CNNM2: variants seen among roughly 807,000 people sequenced by gnomAD.
CNNM2 encodes the protein metal transporter CNNM2.
In CNNM2, 12 loss-of-function variants were observed where a neutral mutation model predicts 66.9. The ratio of observed to expected loss-of-function variants is 0.18; its 90% CI spans 0.11 to 0.29. The LOEUF (loss-of-function observed/expected upper bound fraction) is 0.29, where lower values mean the gene tolerates loss of function less well. CNNM2 is among the 10% of genes least tolerant of loss of function. CNNM2 has a pLI of 1.00. For synonymous variants in CNNM2, 557 were observed against 501.8 expected (o/e 1.11, Z -1.47); for missense variants, 705 against 1,167.7 (o/e 0.60, Z 5.77).
intron 2 of CNNM2, among the ~76,000 whole-genome samples, chr10:103,051,919 G>A (rs933732193): frequency 6.6e-6 from 1 of 152,122 alleles, no homozygotes; most frequent in African/African-American, 2.4e-5. Flanking sequence ...GGTCGTCAGA[G>A]GTCTCAGAGA....
intron 1 of CNNM2, among the ~76,000 whole-genome samples, chr10:102,987,405 C>A (rs1387968238): frequency 6.6e-6 from 1 of 152,102 alleles, no homozygotes; most frequent in African/African-American, 2.4e-5. Context: ...ACTGCAAGCT[C>A]CGCCTCCCAG....
intron 1 of CNNM2, among the ~76,000 whole-genome samples, chr10:103,031,008 G>A (rs2064810375): frequency 6.6e-6 from 1 of 152,180 alleles, no homozygotes; most frequent in South Asian, 2.1e-4. Flanking sequence ...CTGAGGTTTA[G>A]ATGAGACTGG....
chr10:103,059,658 G>C (rs927280164), intron 4 of CNNM2, among the ~76,000 whole-genome samples: 3 of 152,038 alleles, frequency 2.0e-5, no homozygotes, highest in Non-Finnish European at 4.4e-5. Flanking sequence ...GGCTCTACAT[G>C]CTTTAAATAA....
chr10:103,039,899 C>T (rs1397869306), intron 1 of CNNM2, among the ~76,000 whole-genome samples: 1 of 152,104 alleles, frequency 6.6e-6, no homozygotes, highest in Admixed American at 6.6e-5. Context: ...ATGGCAGTGG[C>T]TCATGCCTGT....
At chr10:103,075,902 G>A (rs939840087) in intron 6 of CNNM2, among the ~76,000 whole-genome samples, 184 bp from the exon 7 acceptor site, 9 of 152,234 alleles carry the variant, frequency 5.9e-5, no homozygotes, top group Admixed American at 1.3e-4. Flanking sequence ...ATAGCCTGCT[G>A]GTACAGGGAA....
Position 102,920,076 on chromosome 10 carries a change from C to G in CNNM2, c.1596C>G (p.Asp532Glu). ...LHFVFNDTKL[D>E]AMLEEFKKGK... Reference sequence around the variant, plus strand: ...TTGTTTTCAATGACACCAAGTTGGACGCTATGCTGGAAGAATTTAAGAAAG... The same window carrying G: ...TTGTTTTCAATGACACCAAGTTGGAGGCTATGCTGGAAGAATTTAAGAAAG... Residue 532 changes from aspartate to glutamate, a missense_variant, in exon 1 of 8, where the codon GAC becomes GAG. Coordinates refer to ENST00000369878, the MANE Select transcript of CNNM2 (RefSeq NM_017649.5). The G allele has an allele frequency of 6.2e-7, 1 of 1,614,180 alleles. No homozygotes were observed. The highest frequency in any genetic ancestry group is 8.5e-7 in the Non-Finnish European group (1 of 1,180,028).
rs538574892 is a variant in CNNM2 at position 103,087,546 on chromosome 10, G to A, written c.*10366G>A. 1.3e-5 allele frequency: 2 copies of A among 152,254 alleles called. No homozygotes were observed. Among genetic ancestry groups the A allele is most frequent in the African/African-American group, 4.8e-5 (2 of 41,560 alleles). The allele number at this position is 152,254 out of a possible 1,614,324, so 9.4% of individuals were successfully genotyped here. On this transcript the variant is annotated 3_prime_UTR_variant, in exon 8 of 8. Coordinates refer to ENST00000369878, the MANE Select transcript of CNNM2 (RefSeq NM_017649.5). ...ACAAAAAGTGGTAAATTAAAGCAAAGCAATCATGTGGTCCTTACTCTAAAA... is the reference window on the plus strand; with the variant it reads ...ACAAAAAGTGGTAAATTAAAGCAAAACAATCATGTGGTCCTTACTCTAAAA...
At chr10:102,946,112 G>A (rs1055948302) in intron 1 of CNNM2, among the ~76,000 whole-genome samples, 1 of 152,156 alleles carries the variant, frequency 6.6e-6, no homozygotes, top group Non-Finnish European at 1.5e-5. Context: ...GGAACATGGG[G>A]GAAAGTCCTG....
chr10:102,951,852 GGAGTGCAAT>G (rs1174251333), intron 1 of CNNM2, among the ~76,000 whole-genome samples: 3 of 151,474 alleles, frequency 2.0e-5, no homozygotes, highest in African/African-American at 7.3e-5. Flanking sequence ...TGCCCAGGCT[GGAGTGCAAT>G]GGCACAATCT....
chr10:102,927,861 A>G (rs1476014627), intron 1 of CNNM2, among the ~76,000 whole-genome samples: 2 of 152,198 alleles, frequency 1.3e-5, no homozygotes, highest in Non-Finnish European at 2.9e-5. Flanking sequence ...TCCCTGTGTT[A>G]CATTAGTGCT....
At chr10:103,049,945 GTTTA>G in intron 2 of CNNM2, 95 bp downstream of exon 2, 4 of 1,236,398 alleles carry the variant, frequency 3.2e-6, no homozygotes, top group Non-Finnish European at 4.6e-6. Context: ...TGCTGCCTCT[GTTTA>G]TAATGACACA....
At chr10:103,044,560 A>G (rs1457885178) in intron 1 of CNNM2, among the ~76,000 whole-genome samples, 1 of 152,120 alleles carries the variant, frequency 6.6e-6, no homozygotes, top group Non-Finnish European at 1.5e-5. Flanking sequence ...AGAAAAAAAA[A>G]AAAAAGTTGT....
At chr10:102,925,372 C>T (rs1231603655) in intron 1 of CNNM2, among the ~76,000 whole-genome samples, 1 of 150,792 alleles carries the variant, frequency 6.6e-6, no homozygotes, top group African/African-American at 2.4e-5. Flanking sequence ...AGGCCTCACC[C>T]AGAGACCTCT....
intron 1 of CNNM2, among the ~76,000 whole-genome samples, chr10:103,036,724 G>A (rs146846340): frequency 6.6e-6 from 1 of 152,300 alleles, no homozygotes; most frequent in East Asian, 1.9e-4. Context: ...AATGTTGCAT[G>A]TAAAACAATT....
chr10:102,926,712 A>ATTTTTTTT, intron 1 of CNNM2, among the ~76,000 whole-genome samples: 1 of 113,798 alleles, frequency 8.8e-6, no homozygotes, highest in Non-Finnish European at 1.7e-5. Flanking sequence ...CACCCAGCTA[A>ATTTTTTTT]TTTTTTTTTT....
At chr10:103,001,313 A>C (rs1426923760) in intron 1 of CNNM2, among the ~76,000 whole-genome samples, 1 of 152,200 alleles carries the variant, frequency 6.6e-6, no homozygotes, top group Non-Finnish European at 1.5e-5. Flanking sequence ...CAGTTAAAAA[A>C]ATGGTTAAAA....
intron 1 of CNNM2, among the ~76,000 whole-genome samples, chr10:103,045,185 G>A (rs568556246): frequency 9.2e-5 from 14 of 152,260 alleles, no homozygotes; most frequent in African/African-American, 2.9e-4. Flanking sequence ...GAAACCTACC[G>A]GACCAAGTGG....
chr10:102,993,462 G>A (rs2063932382), intron 1 of CNNM2, among the ~76,000 whole-genome samples: 1 of 152,136 alleles, frequency 6.6e-6, no homozygotes, highest in East Asian at 1.9e-4. Context: ...CAAAAGTTTT[G>A]GATTGCAGCA....
At chr10:102,995,881 G>A (rs2063990572) in intron 1 of CNNM2, among the ~76,000 whole-genome samples, 1 of 152,008 alleles carries the variant, frequency 6.6e-6, no homozygotes, top group Non-Finnish European at 1.5e-5. Flanking sequence ...TGTATTTTTA[G>A]TAGAGATGGG....
Sources: gnomAD v4.1 joint callset for allele counts (sites outside exome capture counted in the v4.1 genomes callset) on GRCh38, gnomAD v4.1.1 for gene constraint, MANE v1.5 for transcripts, NCBI Gene and HGNC (gene_info 2026-07-23, HGNC 2026-07-21) for gene names.